Variants in HNRNPA1 observed in about 807,000 individuals in gnomAD.
HNRNPA1 encodes the protein heterogeneous nuclear ribonucleoprotein A1, also known as epididymis secretory sperm binding protein.
A neutral mutation model predicts 44.4 loss-of-function variants in HNRNPA1; 7 were observed. The observed-to-expected ratio is 0.16, with a 90% CI of 0.09 to 0.30. HNRNPA1 has a LOEUF of 0.30. Ranked by LOEUF, HNRNPA1 falls within the 10% of genes least tolerant of loss-of-function variation. The pLI is 1.00. For synonymous variants in HNRNPA1, 169 were observed against 160.6 expected (o/e 1.05, Z -0.40); for missense variants, 193 against 465.8 (o/e 0.41, Z 5.39).
chr12:54,280,798 C>G lies in HNRNPA1; in HGVS notation c.-10C>G. Reference sequence around the variant, plus strand: ...GAAGCATCGTTAAAGTCTCTCTTCACCCTGCCGTCATGTCTAAGTCAGAGG... The same window carrying G: ...GAAGCATCGTTAAAGTCTCTCTTCAGCCTGCCGTCATGTCTAAGTCAGAGG... On this transcript the variant is annotated 5_prime_UTR_variant, in exon 1 of 11. Transcript: ENST00000340913. 6.2e-7 allele frequency: 1 copy of G among 1,614,188 alleles called. No homozygotes were observed. Among genetic ancestry groups the G allele is most frequent in the East Asian group, 2.2e-5 (1 of 44,886 alleles).
rs970028208 is a variant in HNRNPA1 at position 54,282,002 on chromosome 12, T to TA, written c.279+63dup. 8 of 1,602,364 alleles carry TA rather than the reference T, an allele frequency of 5.0e-6. No homozygotes were observed. The Admixed American group carries it at 1.4e-4, about 27-fold the overall frequency. ...ACTTGGATATGTGCTGCTATGGACTTAAGATTCGGGAGTTTTCTAAACTTA... is the reference window on the plus strand; with the variant it reads ...ACTTGGATATGTGCTGCTATGGACTTAAAGATTCGGGAGTTTTCTAAACTTA... On this transcript the variant is annotated intron_variant, in intron 3 of 10. Coordinates refer to ENST00000340913, the MANE Select transcript of HNRNPA1 (RefSeq NM_031157.4).
At chr12:54,281,052 C>G (rs780033895) in intron 1 of HNRNPA1, 3 of 706,952 alleles carry the variant, frequency 4.2e-6, no homozygotes, top group Non-Finnish European at 7.8e-6. Flanking sequence ...TAGCAAAATT[C>G]TTAGGCACAC....
Position 54,282,661 on chromosome 12 carries a change from T to G in HNRNPA1, c.672T>G (p.Gly224=), listed in dbSNP as rs751378790. The G allele has an allele frequency of 6.2e-7, 1 of 1,613,110 alleles. No homozygotes were observed. Among genetic ancestry groups the G allele is most frequent in the South Asian group, 1.1e-5 (1 of 91,066 alleles). The part of the protein sequence containing the change: ...DNFGRGGNFS[G]RGGFGGSRGG... ...TCGGTCGTGGAGGAAACTTCAGTGG[T>G]CGTGGTATGTATGGTTTATCTACAT... The change falls in exon 6 of 11, where the codon GGT becomes GGG. Residue 224 remains glycine (G), a synonymous_variant. Transcript: ENST00000340913.
In HNRNPA1 at chr12:54,280,830, A is replaced by G. The variant is rs200979557; in HGVS notation, c.15+8A>G. The G allele has an allele frequency of 6.2e-7, 1 of 1,614,140 alleles. No homozygotes were observed. Among genetic ancestry groups the G allele is most frequent in the East Asian group, 2.2e-5 (1 of 44,884 alleles). ...GTCATGTCTAAGTCAGAGGTGAGTT[A>G]GGCGCGCTTTCCCACTTGAATTTTT... On this transcript the variant is annotated splice_region_variant and intron_variant, in intron 1 of 10. Coordinates refer to ENST00000340913, the MANE Select transcript of HNRNPA1 (RefSeq NM_031157.4).
rs535298740 is a variant in HNRNPA1, at chr12:54,284,283, C to T, written c.1089C>T (p.Ser363=). 1.2e-6 allele frequency: 2 copies of T among 1,613,976 alleles called. No individual in the cohort carries two copies. Among genetic ancestry groups the T allele is most frequent in the African/African-American group, 2.7e-5 (2 of 75,026 alleles). Residue 363 remains serine (S), a synonymous_variant, in exon 10 of 11, where the codon AGC becomes AGT. Transcript: ENST00000340913. ...GTGGCTATGGCGGTTCCAGCAGCAG[C>T]AGTAGCTATGGCAGTGGCAGAAGAT... ...NQGGYGGSSS[S]SSYGSGRRF is the part of the protein sequence containing the mutation.
At chr12:54,281,186 A>C (rs943214043) in intron 1 of HNRNPA1, 200 bp from the exon 2 acceptor site, 4 of 698,706 alleles carry the variant, frequency 5.7e-6, no homozygotes, top group Non-Finnish European at 1.0e-5. Context: ...GAAGGCGACT[A>C]GGGACGCATG....
intron 2 of HNRNPA1, 27 bp downstream of exon 2, chr12:54,281,529 A>G: frequency 6.7e-7 from 1 of 1,484,220 alleles, no homozygotes; most frequent in Non-Finnish European, 9.4e-7. Flanking sequence ...ACAAAGCAGT[A>G]AAACAGCCGA....
chr12:54,283,079 G>T lies in HNRNPA1; in HGVS notation c.752G>T (p.Gly251Val), dbSNP rs1944203766. ...ATTGAGAAGAATTGTATTCTTGTAGGTGGTTATGGAGGAGGCGGCCCTGGT... is the reference window on the plus strand; with the variant it reads ...ATTGAGAAGAATTGTATTCTTGTAGTTGGTTATGGAGGAGGCGGCCCTGGT... ...GDGYNGFGND[G>V]GYGGGGPGYS... Residue 251 changes from glycine to valine, a missense_variant and splice_region_variant, in exon 8 of 11, where the codon GGT (glycine) becomes GTT (valine). By Grantham distance (109) the Gly-to-Val change is moderately radical. Around this residue, in one of 2 missense-constraint regions of HNRNPA1, gnomAD observed 136 missense variants for 234.4 expected, o/e 0.58. Coordinates refer to ENST00000340913, the MANE Select transcript of HNRNPA1 (RefSeq NM_031157.4). The T allele has an allele frequency of 6.2e-7, 1 of 1,612,610 alleles. No homozygotes were observed.
intron 7 of HNRNPA1, 28 bp from the exon 8 acceptor site, chr12:54,283,051 C>T (rs2137043798): frequency 1.2e-6 from 2 of 1,609,454 alleles, no homozygotes; most frequent in Middle Eastern, 2.2e-4. Context: ...ATACTTTTGT[C>T]TTATTGAGAA....
Position 54,283,842 on chromosome 12 carries a change from A to G in HNRNPA1, c.938A>G (p.Asn313Ser), listed in dbSNP as rs750008747. 10 of 1,613,850 alleles carry G rather than the reference A, an allele frequency of 6.2e-6. No homozygotes were observed. The highest frequency in any genetic ancestry group is 4.5e-5 in the East Asian group (2 of 44,902). Reference sequence around the variant, plus strand: ...AATTTTGGAGGTGGTGGAAGCTACAATGATTTTGGGAATTACAACAATCAG... The same window carrying G: ...AATTTTGGAGGTGGTGGAAGCTACAGTGATTTTGGGAATTACAACAATCAG... ...GSNFGGGGSYNDFGNYNNQSS... is the reference protein window; with the variant it reads ...GSNFGGGGSYSDFGNYNNQSS... The change falls in exon 9 of 11, where the codon AAT (asparagine) becomes AGT (serine). Residue 313 changes from asparagine (N) to serine (S), a missense_variant. Asn to Ser is a conservative substitution (Grantham distance 46). Coordinates refer to ENST00000340913, the MANE Select transcript of HNRNPA1 (RefSeq NM_031157.4).
chr12:54,282,789 T>A lies in HNRNPA1; in HGVS notation c.677-11T>A. ...CAAGTCATACTTAAAACTTGAAACT[T>A]TTTCTTACAGGTGGCTTTGGTGGCA... On this transcript the variant is annotated splice_polypyrimidine_tract_variant and intron_variant, in intron 6 of 10. Coordinates refer to ENST00000340913, the MANE Select transcript of HNRNPA1 (RefSeq NM_031157.4). 1 of 1,555,564 alleles carries A rather than the reference T, an allele frequency of 6.4e-7. No individual in the cohort carries two copies. The highest frequency in any genetic ancestry group is 1.2e-5 in the South Asian group (1 of 84,556).
At position 54,284,930 on chromosome 12, in the gene HNRNPA1, C is replaced by T. The variant is rs910857147; in HGVS notation, c.*386C>T. 2.1e-5 allele frequency: 5 copies of T among 239,542 alleles called. No individual in the cohort carries two copies. Among genetic ancestry groups the T allele is most frequent in the Non-Finnish European group, 4.2e-5 (5 of 118,534 alleles). The allele number at this position is 239,542 out of a possible 1,614,324, so 14.8% of individuals were successfully genotyped here. A position where few individuals can be genotyped will look rare whatever the true frequency, so the allele number is the denominator to read the frequency against. ...TCTTAAGCCATCTTGGTAAATTTCC[C>T]CAACAGTGTGAAGTTAGAATTCCTT... On this transcript the variant is annotated 3_prime_UTR_variant, in exon 11 of 11. Transcript: ENST00000340913.
Position 54,283,187 on chromosome 12 carries a change from A to C in HNRNPA1, c.860A>C (p.Tyr287Ser), listed in dbSNP as rs1944206185. 1 of 1,608,914 alleles carries C rather than the reference A, an allele frequency of 6.2e-7. No individual in the cohort carries two copies. Among genetic ancestry groups the C allele is most frequent in the Non-Finnish European group, 8.5e-7 (1 of 1,177,884 alleles). Reference sequence around the variant, plus strand: ...AGTGGCTATGGCGGGAGTGGCAGCTATGACAGCTATAACAACGGAGGCGGA... The same window carrying C: ...AGTGGCTATGGCGGGAGTGGCAGCTCTGACAGCTATAACAACGGAGGCGGA... ...QGSGYGGSGS[Y>S]DSYNNGGGGG... Residue 287 changes from tyrosine (Y) to serine (S), a missense_variant, in exon 8 of 11, where the codon TAT becomes TCT. Coordinates refer to ENST00000340913, the MANE Select transcript of HNRNPA1 (RefSeq NM_031157.4).
At position 54,281,378 on chromosome 12, in the gene HNRNPA1, C is replaced by G; in HGVS notation, c.16-8C>G. 17 of 1,499,494 alleles carry G rather than the reference C, an allele frequency of 1.1e-5. No homozygotes were observed. Among genetic ancestry groups the G allele is most frequent in the African/African-American group, 1.4e-5 (1 of 71,570 alleles). The allele number at this position is 1,499,494 out of a possible 1,614,324, so 92.9% of individuals were successfully genotyped here. ...CCCATTTAACACTTCCCCCTCCCCC[C>G]ACTCTAGTCTCCTAAAGAGCCCGAA... On this transcript the variant is annotated splice_polypyrimidine_tract_variant and splice_region_variant and intron_variant, in intron 1 of 10. Coordinates refer to ENST00000340913, the MANE Select transcript of HNRNPA1 (RefSeq NM_031157.4).
chr12:54,281,815 C>G lies in HNRNPA1; in HGVS notation c.153C>G (p.Thr51=), dbSNP rs1016482750. The G allele has an allele frequency of 3.1e-6, 5 of 1,611,976 alleles. No homozygotes were observed. Among genetic ancestry groups the G allele is most frequent in the African/African-American group, 1.3e-5 (1 of 74,774 alleles). Residue 51 remains threonine, a synonymous_variant, in exon 3 of 11, where the codon ACC becomes ACG. Coordinates refer to ENST00000340913, the MANE Select transcript of HNRNPA1 (RefSeq NM_031157.4). ...CTCAGGTAATGAGAGATCCAAACAC[C>G]AAGCGCTCCAGGGGCTTTGGGTTTG... is the stretch of plus-strand genomic sequence containing the variant. The part of the protein sequence containing the change: ...TDCVVMRDPN[T]KRSRGFGFVT...
Position 54,286,432 on chromosome 12 carries a change from A to G in HNRNPA1, c.*1888A>G, listed in dbSNP as rs1944264119. On this transcript the variant is annotated 3_prime_UTR_variant, in exon 11 of 11. Coordinates refer to ENST00000340913, the MANE Select transcript of HNRNPA1 (RefSeq NM_031157.4). The stretch of plus-strand genomic sequence containing the variant: ...ATGAATTGTTTTAAATTGACACCCT[A>G]TTGATGGCTCCCAGTTGAAGGAAGT... 1 of 152,222 alleles carries G rather than the reference A, an allele frequency of 6.6e-6. No individual in the cohort carries two copies. 9.4% of individuals were successfully genotyped at this position (152,222 alleles called of 1,614,324 possible).
At chr12:54,283,661 C>G (rs1286161889) in intron 8 of HNRNPA1, 151 bp from the exon 9 acceptor site, 10 of 764,434 alleles carry the variant, frequency 1.3e-5, no homozygotes, top group Middle Eastern at 2.4e-4. Flanking sequence ...GAATGCCTTT[C>G]CCAGAGAATG....
intron 8 of HNRNPA1, 146 bp from the exon 9 acceptor site, chr12:54,283,666 A>G (rs1351132366): frequency 1.3e-6 from 1 of 787,438 alleles, no homozygotes; most frequent in Non-Finnish European, 2.1e-6. Context: ...CCTTTCCCAG[A>G]GAATGAAATG....
intron 9 of HNRNPA1, 32 bp from the exon 10 acceptor site, chr12:54,284,226 T>C (rs781156421): frequency 1.2e-6 from 2 of 1,607,104 alleles, no homozygotes; most frequent in Admixed American, 1.7e-5. Context: ...GTTGGCACTT[T>C]GAAACTTTAA....
Sources: allele counts gnomAD v4.1 joint callset, GRCh38; gene constraint gnomAD v4.1.1; regional missense constraint gnomAD v4.1.1; transcripts MANE v1.5; gene names NCBI Gene and HGNC (gene_info 2026-07-23, HGNC 2026-07-21).